The following EXT1 variants were observed in gnomAD, a reference collection of about 807,000 sequenced individuals.
The protein encoded by EXT1 is exostosin glycosyltransferase 1.
In EXT1, 20 loss-of-function variants were observed where a neutral mutation model predicts 82.5. The ratio of observed to expected loss-of-function variants is 0.24; its 90% CI spans 0.17 to 0.35. EXT1 has a LOEUF of 0.35. Among genes scored for constraint, EXT1 ranks in the 10% least tolerant of loss-of-function variants. The pLI is 1.00. For missense variants in EXT1, 757 were observed against 936.5 expected (o/e 0.81, Z 2.50); for synonymous variants, 348 against 350.8 (o/e 0.99, Z 0.09).
rs1450830318 is a variant in EXT1 at position 117,950,795 on chromosome 8, T to TCAAG, written c.963-113595_963-113594insCTTG. Among the ~76,000 whole-genome samples the TCAAG allele has an allele frequency of 5.3e-4, 80 of 152,338 alleles. 1 individual carries two copies. The highest frequency in any genetic ancestry group is 1.9e-3 in the African/African-American group (78 of 41,576). ...TGTTATTCAAGTTCACCTTGATTGTTTTACTGGGTCCTAACCAGGAGCTTT... is the reference window on the plus strand; with the variant it reads ...TGTTATTCAAGTTCACCTTGATTGTTCAAGTTACTGGGTCCTAACCAGGAGCTTT... On this transcript the variant is annotated intron_variant, in intron 1 of 10. Transcript: ENST00000378204.
intron 1 of EXT1, among the ~76,000 whole-genome samples, chr8:117,880,779 TG>T (rs949051819): frequency 1.8e-4 from 28 of 152,068 alleles, no homozygotes; most frequent in Non-Finnish European, 2.4e-4. Context: ...TTAGTAGAGA[TG>T]GGGTTTCACC....
chr8:117,849,794 A>G (rs1436451369), intron 1 of EXT1, among the ~76,000 whole-genome samples: 1 of 152,234 alleles, frequency 6.6e-6, no homozygotes, highest in East Asian at 1.9e-4. Context: ...TTTTCTTGGA[A>G]CAGTTTTTGT....
At position 117,839,917 on chromosome 8, in the gene EXT1, G is replaced by A. The variant is rs1381383511; in HGVS notation, c.963-2716C>T. 1.3e-5 allele frequency among the ~76,000 whole-genome samples: 2 copies of A among 152,160 alleles called. 1 individual carries two copies. The highest frequency in any genetic ancestry group is 1.3e-4 in the Admixed American group (2 of 15,276). On this transcript the variant is annotated intron_variant, in intron 1 of 10. Transcript: ENST00000378204. ...AGCTACCAAAGAAGCACCTGACAAT[G>A]AGAAAATGCTGATGAGATGAGAATT...
At chr8:117,894,509 A>C (rs1813302074) in intron 1 of EXT1, among the ~76,000 whole-genome samples, 2 of 152,218 alleles carry the variant, frequency 1.3e-5, no homozygotes, top group African/African-American at 4.8e-5. Flanking sequence ...GAAAACAATG[A>C]AAACGACAGT....
intron 1 of EXT1, among the ~76,000 whole-genome samples, chr8:118,096,360 C>T (rs1023584291): frequency 9.9e-5 from 15 of 152,110 alleles, no homozygotes; most frequent in Admixed American, 7.9e-4. Context: ...CACTGGTTCA[C>T]GCCTGTAATC....
At chr8:117,991,770 C>T (rs897915504) in intron 1 of EXT1, among the ~76,000 whole-genome samples, 1 of 151,996 alleles carries the variant, frequency 6.6e-6, no homozygotes, top group African/African-American at 2.4e-5. Context: ...CCATGTTGGC[C>T]AGGCTGGTCT....
intron 1 of EXT1, among the ~76,000 whole-genome samples, chr8:118,090,141 G>T (rs761539304): frequency 6.6e-6 from 1 of 152,200 alleles, no homozygotes; most frequent in Non-Finnish European, 1.5e-5. Flanking sequence ...AGCCAAGTAG[G>T]CCACAAGTGG....
intron 1 of EXT1, among the ~76,000 whole-genome samples, chr8:118,009,033 T>G (rs1664169349): frequency 6.6e-6 from 1 of 151,996 alleles, no homozygotes; most frequent in Admixed American, 6.5e-5. Flanking sequence ...AACGGGAAAG[T>G]AGGTATTAAT....
At chr8:118,039,813 G>A (rs146094104) in intron 1 of EXT1, among the ~76,000 whole-genome samples, 2 of 152,230 alleles carry the variant, frequency 1.3e-5, no homozygotes, top group Non-Finnish European at 2.9e-5. Context: ...GAGCAGGCCT[G>A]ATGATTTCTT....
At chr8:117,811,904 G>A (rs570742756) in intron 8 of EXT1, among the ~76,000 whole-genome samples, 1 of 152,268 alleles carries the variant, frequency 6.6e-6, no homozygotes, top group South Asian at 2.1e-4. Context: ...GTGAGCCACC[G>A]CGTCAGGCCA....
chr8:117,841,923 A>T (rs1414188754), intron 1 of EXT1, among the ~76,000 whole-genome samples: 1 of 152,214 alleles, frequency 6.6e-6, no homozygotes, highest in Non-Finnish European at 1.5e-5. Context: ...GGAGTGTAGC[A>T]TAGAGCAGGG....
At chr8:118,032,800 G>A (rs1379901050) in intron 1 of EXT1, among the ~76,000 whole-genome samples, 1 of 152,074 alleles carries the variant, frequency 6.6e-6, no homozygotes, top group Admixed American at 6.6e-5. Flanking sequence ...GTGAGCCACT[G>A]CGCCTGGCCA....
intron 1 of EXT1, among the ~76,000 whole-genome samples, chr8:117,930,789 T>C (rs1340961084): frequency 7.9e-5 from 12 of 152,088 alleles, no homozygotes; most frequent in African/African-American, 2.4e-5. Context: ...TAGGGCGAGA[T>C]AGGAGATCAG....
intron 1 of EXT1, among the ~76,000 whole-genome samples, chr8:117,980,316 T>A (rs1308764749): frequency 2.0e-5 from 3 of 152,092 alleles, no homozygotes; most frequent in African/African-American, 7.2e-5. Flanking sequence ...ATGCAATCTA[T>A]CCCCAACCCC....
intron 1 of EXT1, among the ~76,000 whole-genome samples, chr8:118,101,724 G>A (rs1817721301): frequency 6.6e-6 from 1 of 152,158 alleles, no homozygotes; most frequent in African/African-American, 2.4e-5. Context: ...AGGCCCCCTG[G>A]CAGGACCAAT....
intron 1 of EXT1, among the ~76,000 whole-genome samples, chr8:117,838,823 ATTT>A (rs201945261): frequency 6.6e-6 from 1 of 151,578 alleles, no homozygotes; most frequent in African/African-American, 2.4e-5. Flanking sequence ...GTTTAAGCTG[ATTT>A]TTTTTTAATA....
chr8:118,080,480 C>T (rs1306682972), intron 1 of EXT1, among the ~76,000 whole-genome samples: 1 of 151,760 alleles, frequency 6.6e-6, no homozygotes, highest in Non-Finnish European at 1.5e-5. Context: ...ACTGAAGTTC[C>T]CTGAAGAAGT....
chr8:117,911,624 T>A (rs1344405569), intron 1 of EXT1, among the ~76,000 whole-genome samples: 1 of 152,216 alleles, frequency 6.6e-6, no homozygotes, highest in East Asian at 1.9e-4. Flanking sequence ...ACGGTGGACC[T>A]AAATTTCACA....
intron 1 of EXT1, among the ~76,000 whole-genome samples, chr8:117,837,788 A>C (rs1157898898): frequency 6.6e-6 from 1 of 152,022 alleles, no homozygotes; most frequent in Non-Finnish European, 1.5e-5. Context: ...AACTCACAGG[A>C]GAAAGAGGAG....
Sources: gnomAD v4.1 joint callset for allele counts (sites outside exome capture counted in the v4.1 genomes callset) on GRCh38, gnomAD v4.1.1 for gene constraint, MANE v1.5 for transcripts, NCBI Gene and HGNC (gene_info 2026-07-23, HGNC 2026-07-21) for gene names.